Variants in ERC2 observed in about 807,000 individuals in gnomAD.
ERC2 encodes ELKS/RAB6-interacting/CAST family member 2.
ERC2 carries 42 observed loss-of-function variants against 114.8 expected under a neutral mutation model. The ratio of observed to expected loss-of-function variants is 0.37; its 90% CI spans 0.29 to 0.47. ERC2 has a LOEUF of 0.47. ERC2 is among the 20% of genes least tolerant of loss of function. ERC2 has a pLI of 0.99. For missense variants in ERC2, 939 were observed against 1,150.7 expected (o/e 0.82, Z 2.66); for synonymous variants, 454 against 425.5 (o/e 1.07, Z -0.82).
At chr3:56,013,576 T>C (rs1366050204) in intron 8 of ERC2, among the ~76,000 whole-genome samples, 1 of 152,124 alleles carries the variant, frequency 6.6e-6, no homozygotes, top group African/African-American at 2.4e-5. Context: ...GAGCGGTGGG[T>C]TGAGAAGTTA....
chr3:56,311,253 CTCTATATA>C (rs1256829964), intron 2 of ERC2, among the ~76,000 whole-genome samples: 23 of 43,524 alleles, frequency 5.3e-4, no homozygotes, highest in African/African-American at 1.4e-3. Context: ...CTCTCTCTCT[CTCTATATA>C]TATATATATA....
At chr3:55,885,946 G>A (rs937920515) in intron 14 of ERC2, among the ~76,000 whole-genome samples, 2 of 152,122 alleles carry the variant, frequency 1.3e-5, no homozygotes, top group African/African-American at 4.8e-5. Flanking sequence ...TCACAAACCA[G>A]CATATTTCAC....
At chr3:55,912,447 G>T (rs2064863032) in intron 13 of ERC2, among the ~76,000 whole-genome samples, 1 of 152,180 alleles carries the variant, frequency 6.6e-6, no homozygotes, top group African/African-American at 2.4e-5. Context: ...TTCAGTTGAA[G>T]AACAGTCAAA....
At chr3:55,587,805 A>G (rs2057674809) in intron 17 of ERC2, among the ~76,000 whole-genome samples, 1 of 152,176 alleles carries the variant, frequency 6.6e-6, no homozygotes, top group Non-Finnish European at 1.5e-5. Flanking sequence ...CACATGTACT[A>G]TCCCACTTAA....
chr3:56,442,081 T>C (rs2062340124), intron 1 of ERC2, among the ~76,000 whole-genome samples: 1 of 152,084 alleles, frequency 6.6e-6, no homozygotes, highest in Non-Finnish European at 1.5e-5. Context: ...TACTCTTGAC[T>C]CTCTTTCCTT....
intron 7 of ERC2, among the ~76,000 whole-genome samples, chr3:56,066,842 G>A (rs1472749457): frequency 2.0e-5 from 3 of 152,058 alleles, no homozygotes; most frequent in Non-Finnish European, 4.4e-5. Context: ...CAGGTTTGTT[G>A]AAAATCAGAT....
chr3:56,381,251 T>C (rs1292124939), intron 2 of ERC2, among the ~76,000 whole-genome samples: 1 of 152,194 alleles, frequency 6.6e-6, no homozygotes, highest in Non-Finnish European at 1.5e-5. Context: ...TTAATGCCTT[T>C]AAGCCCATCC....
chr3:56,456,257 G>A (rs1433889023), intron 1 of ERC2, among the ~76,000 whole-genome samples: 2 of 152,092 alleles, frequency 1.3e-5, no homozygotes, highest in Non-Finnish European at 2.9e-5. Flanking sequence ...TTACTTGTTT[G>A]CCAAAATACA....
chr3:55,985,144 G>T (rs1215766612), intron 12 of ERC2, among the ~76,000 whole-genome samples: 1 of 152,210 alleles, frequency 6.6e-6, no homozygotes, highest in African/African-American at 2.4e-5. Flanking sequence ...TTGATTGAAT[G>T]ATAAAGAAAT....
At chr3:55,540,988 A>C (rs1039883187) in intron 17 of ERC2, among the ~76,000 whole-genome samples, 1 of 152,150 alleles carries the variant, frequency 6.6e-6, no homozygotes, top group African/African-American at 2.4e-5. Flanking sequence ...GCAGATGTGC[A>C]GGAGCCAACA....
At chr3:56,124,179 G>A (rs1187986709) in intron 6 of ERC2, among the ~76,000 whole-genome samples, 1 of 152,150 alleles carries the variant, frequency 6.6e-6, no homozygotes, top group Admixed American at 6.5e-5. Flanking sequence ...AAGACTTCCT[G>A]TTGGCAAAAT....
chr3:56,129,936 G>T (rs1413214470), intron 6 of ERC2, among the ~76,000 whole-genome samples: 1 of 151,966 alleles, frequency 6.6e-6, no homozygotes, highest in Admixed American at 6.6e-5. Context: ...TCAAAAAGAA[G>T]GTCCAAATTC....
chr3:55,741,275 A>C (rs775841482), intron 14 of ERC2, among the ~76,000 whole-genome samples: 9 of 152,278 alleles, frequency 5.9e-5, no homozygotes, highest in Non-Finnish European at 1.3e-4. Context: ...ATAGATTAGG[A>C]AGCTTACATT....
intron 6 of ERC2, among the ~76,000 whole-genome samples, chr3:56,118,376 T>C (rs2079369302): frequency 6.6e-6 from 1 of 152,190 alleles, no homozygotes; most frequent in Non-Finnish European, 1.5e-5. Flanking sequence ...GAGCACTAAA[T>C]GTGAGGTATG....
rs1380591086 is a variant in ERC2 at position 55,510,259 on chromosome 3, T to A, written c.*1057A>T. The A allele has an allele frequency of 1.3e-5, 1 of 75,006 alleles. No homozygotes were observed. Among genetic ancestry groups the A allele is most frequent in the Non-Finnish European group, 2.8e-5 (1 of 35,846 alleles). The allele number at this position is 75,006 out of a possible 1,614,324, so 4.6% of individuals were successfully genotyped here. Reference sequence around the variant, plus strand: ...CTTTGGAATCCATGTTGCAGACACATTTTCTTTAAAAAAAAAAAAAAAGAG... The same window carrying A: ...CTTTGGAATCCATGTTGCAGACACAATTTCTTTAAAAAAAAAAAAAAAGAG... On this transcript the variant is annotated 3_prime_UTR_variant, in exon 18 of 18. Coordinates refer to ENST00000288221, the MANE Select transcript of ERC2 (RefSeq NM_015576.3).
intron 17 of ERC2, among the ~76,000 whole-genome samples, chr3:55,585,989 G>C (rs1029833099): frequency 6.6e-6 from 1 of 152,228 alleles, no homozygotes; most frequent in Non-Finnish European, 1.5e-5. Context: ...AGCCACAGGA[G>C]GGAAGGCTCC....
In ERC2 at chr3:56,021,973, T is replaced by C. The variant is rs137917293; in HGVS notation, c.1642-2942A>G. Among the ~76,000 whole-genome samples the C allele has an allele frequency of 5.3e-5, 8 of 152,328 alleles. No homozygotes were observed. In the East Asian group the frequency reaches 1.3e-3, roughly 26 times the overall value. ...ACATTTTCTTTATCCAGTCTGTCAT[T>C]AATGGGCATTTAGGTTGATTCCATG... On this transcript the variant is annotated intron_variant, in intron 7 of 17. Transcript: ENST00000288221.
At chr3:56,386,255 T>C (rs1402579340) in intron 2 of ERC2, among the ~76,000 whole-genome samples, 1 of 152,136 alleles carries the variant, frequency 6.6e-6, no homozygotes, top group Admixed American at 6.6e-5. Context: ...AAAAACAAGA[T>C]GTCAACTTCA....
At position 56,296,191 on chromosome 3, in the gene ERC2, C is replaced by T; in HGVS notation, c.902G>A (p.Arg301Gln). ...AAGAAGTTTTTTAATTGACTCATCT[C>T]GGGCATTGAGGGTTTGTTTCTGCGT... is the stretch of plus-strand genomic sequence containing the variant. ...IETQKQTLNA[R>Q]DESIKKLLEM... Residue 301 changes from arginine to glutamine, a missense_variant, in exon 3 of 18, where the codon CGA (arginine) becomes CAA (glutamine). Around this residue, in one of 5 missense-constraint regions of ERC2, gnomAD observed 33 missense variants for 75.6 expected, o/e 0.44. Transcript: ENST00000288221. 1.9e-6 allele frequency: 3 copies of T among 1,614,018 alleles called. No individual in the cohort carries two copies. The highest frequency in any genetic ancestry group is 2.5e-6 in the Non-Finnish European group (3 of 1,179,902).
Sources: allele counts gnomAD v4.1 joint callset (sites outside exome capture counted in the v4.1 genomes callset), GRCh38; gene constraint gnomAD v4.1.1; regional missense constraint gnomAD v4.1.1; transcripts MANE v1.5; gene names NCBI Gene and HGNC (gene_info 2026-07-23, HGNC 2026-07-21).